PDZRN3: variants seen among roughly 807,000 people sequenced by gnomAD.
PDZRN3 encodes the protein E3 ubiquitin-protein ligase PDZRN3.
In PDZRN3, 38 loss-of-function variants were observed where a neutral mutation model predicts 85.7. That is an observed-to-expected ratio of 0.44 (90% CI 0.34 to 0.58). The LOEUF (loss-of-function observed/expected upper bound fraction) is 0.58. PDZRN3 is among the 20% of genes least tolerant of loss of function. PDZRN3 has a pLI of 0.01. For missense variants in PDZRN3, 1,629 were observed against 1,506.4 expected, an observed-to-expected ratio of 1.08 and a Z score of -1.35; for synonymous variants, 759 against 638.0, an observed-to-expected ratio of 1.19 and a Z score of -2.86.
intron 3 of PDZRN3, among the ~76,000 whole-genome samples, chr3:73,472,647 A>G (rs917422231): frequency 1.3e-5 from 2 of 152,200 alleles, no homozygotes; most frequent in African/African-American, 4.8e-5. Flanking sequence ...GTGGCCAGGC[A>G]TTTGGGGAAA....
chr3:73,615,100 C>A (rs1460227800), intron 1 of PDZRN3, among the ~76,000 whole-genome samples: 3 of 151,860 alleles, frequency 2.0e-5, no homozygotes, highest in African/African-American at 7.3e-5. Context: ...GAAAAAAAAA[C>A]AAGAGCTTTT....
intron 3 of PDZRN3, among the ~76,000 whole-genome samples, chr3:73,572,743 G>A (rs1423307505): frequency 6.6e-6 from 1 of 152,134 alleles, no homozygotes; most frequent in Non-Finnish European, 1.5e-5. Flanking sequence ...AGAGGGATGA[G>A]GCAGAGGGAG....
chr3:73,542,517 T>C (rs1195332039), intron 3 of PDZRN3, among the ~76,000 whole-genome samples: 1 of 152,110 alleles, frequency 6.6e-6, no homozygotes, highest in Non-Finnish European at 1.5e-5. Context: ...CCCATATCTA[T>C]AATACCAGCA....
intron 3 of PDZRN3, among the ~76,000 whole-genome samples, chr3:73,504,058 A>G (rs1314862160): frequency 2.0e-5 from 3 of 152,126 alleles, no homozygotes; most frequent in Admixed American, 1.3e-4. Context: ...ACTTATTCAT[A>G]TTTCTGCCTT....
chr3:73,423,534 G>T (rs761272643), intron 3 of PDZRN3, among the ~76,000 whole-genome samples: 111 of 152,284 alleles, frequency 7.3e-4, no homozygotes, highest in Non-Finnish European at 1.3e-3. Flanking sequence ...TAAACTTTTT[G>T]CTTAAGATTT....
intron 3 of PDZRN3, among the ~76,000 whole-genome samples, chr3:73,444,413 G>A (rs951714780): frequency 2.6e-5 from 4 of 152,210 alleles, no homozygotes; most frequent in Non-Finnish European, 4.4e-5. Context: ...GTCTAGGACA[G>A]AATGGTGACT....
At chr3:73,601,523 G>A (rs1241583475) in intron 3 of PDZRN3, among the ~76,000 whole-genome samples, 1 of 152,144 alleles carries the variant, frequency 6.6e-6, no homozygotes, top group East Asian at 1.9e-4. Context: ...TAATAGGAAA[G>A]CCAATCAATT....
At chr3:73,436,861 C>T in intron 3 of PDZRN3, among the ~76,000 whole-genome samples, 1 of 151,876 alleles carries the variant, frequency 6.6e-6, no homozygotes, top group Non-Finnish European at 1.5e-5. Context: ...TCCTGGCCAA[C>T]ATGGTGAAAC....
At chr3:73,540,271 T>C (rs1208165780) in intron 3 of PDZRN3, among the ~76,000 whole-genome samples, 2 of 152,170 alleles carry the variant, frequency 1.3e-5, no homozygotes, top group African/African-American at 4.8e-5. Context: ...AAAAATGTTA[T>C]GAATGGGTAT....
chr3:73,394,845 T>C lies in PDZRN3; in HGVS notation c.1255-3729A>G, dbSNP rs369492149. 7.2e-5 allele frequency among the ~76,000 whole-genome samples: 11 copies of C among 152,374 alleles called. No homozygotes were observed. The South Asian group carries it at 1.0e-3, about 14-fold the overall frequency. On this transcript the variant is annotated intron_variant, in intron 5 of 9. Transcript: ENST00000263666. Reference sequence around the variant, plus strand: ...GCACAGAGTGATCCATAATAGGCTTTCAGAAGCTCTTGAAAAACAACAGTG... The same window carrying C: ...GCACAGAGTGATCCATAATAGGCTTCCAGAAGCTCTTGAAAAACAACAGTG...
At chr3:73,579,254 A>G (rs926974494) in intron 3 of PDZRN3, among the ~76,000 whole-genome samples, 1 of 152,200 alleles carries the variant, frequency 6.6e-6, no homozygotes, top group Non-Finnish European at 1.5e-5. Context: ...TAAACAATGA[A>G]TATGTCAGCA....
At chr3:73,598,891 C>A (rs1376600588) in intron 3 of PDZRN3, among the ~76,000 whole-genome samples, 1 of 152,188 alleles carries the variant, frequency 6.6e-6, no homozygotes, top group Non-Finnish European at 1.5e-5. Flanking sequence ...CCCTGTCACT[C>A]CCCAGTGGGA....
intron 3 of PDZRN3, among the ~76,000 whole-genome samples, chr3:73,580,144 T>C (rs902898409): frequency 5.3e-5 from 8 of 152,146 alleles, no homozygotes; most frequent in Non-Finnish European, 8.8e-5. Flanking sequence ...TGAGGAAAAA[T>C]ATCAATTTTC....
At chr3:73,513,707 C>A (rs1704207270) in intron 3 of PDZRN3, among the ~76,000 whole-genome samples, 1 of 152,142 alleles carries the variant, frequency 6.6e-6, no homozygotes, top group African/African-American at 2.4e-5. Flanking sequence ...GACTTTTGAA[C>A]CTTTACTGAA....
At chr3:73,475,135 C>T (rs1703423884) in intron 3 of PDZRN3, among the ~76,000 whole-genome samples, 1 of 152,114 alleles carries the variant, frequency 6.6e-6, no homozygotes, top group Non-Finnish European at 1.5e-5. Flanking sequence ...TAAAGACAGG[C>T]CAGTCTGGCT....
chr3:73,551,688 CA>C (rs71126878), intron 3 of PDZRN3, among the ~76,000 whole-genome samples: 10,938 of 104,508 alleles, frequency 0.1, 376 homozygotes, highest in African/African-American at 0.18. Flanking sequence ...GACCCTGTTT[CA>C]AAAAAAAAAA....
At chr3:73,586,457 T>C (rs1702278478) in intron 3 of PDZRN3, among the ~76,000 whole-genome samples, 1 of 152,210 alleles carries the variant, frequency 6.6e-6, no homozygotes, top group African/African-American at 2.4e-5. Context: ...GCAACACACA[T>C]TTACTGATTG....
At chr3:73,470,238 A>G (rs544782907) in intron 3 of PDZRN3, among the ~76,000 whole-genome samples, 23 of 152,370 alleles carry the variant, frequency 1.5e-4, no homozygotes, top group Middle Eastern at 3.4e-3. Context: ...AAGCATTTTT[A>G]TATTTTTAAT....
At chr3:73,487,532 AT>A (rs1401153306) in intron 3 of PDZRN3, among the ~76,000 whole-genome samples, 2 of 152,154 alleles carry the variant, frequency 1.3e-5, no homozygotes, top group Non-Finnish European at 2.9e-5. Context: ...CAATTGCTTG[AT>A]CCCAGCTAAT....
Sources: allele counts gnomAD v4.1 joint callset (sites outside exome capture counted in the v4.1 genomes callset), GRCh38; gene constraint gnomAD v4.1.1; transcripts MANE v1.5; gene names NCBI Gene and HGNC (gene_info 2026-07-23, HGNC 2026-07-21).